Variants in MAGEC3 observed in about 807,000 individuals in gnomAD.
The protein encoded by MAGEC3 is MAGE family member C3, also known as melanoma-associated antigen C3.
A neutral mutation model predicts 35.3 loss-of-function variants in MAGEC3; 34 were observed. The observed-to-expected ratio is 0.96, with a 90% CI of 0.73 to 1.28. The LOEUF is 1.28. Among genes scored for constraint, MAGEC3 ranks in the 50% most tolerant of loss-of-function variants. The pLI is 0.00. For missense variants in MAGEC3, 561 were observed against 483.6 expected (o/e 1.16, Z -1.50); for synonymous variants, 202 against 185.6 (o/e 1.09, Z -0.72).
intron 1 of MAGEC3, among the ~76,000 whole-genome samples, chrX:141,862,878 C>T (rs1014827990): frequency 4.5e-5 from 5 of 111,495 alleles, no homozygotes; most frequent in Admixed American, 3.8e-4. Flanking sequence ...CTAATGTTGA[C>T]TGCAGAGCAG....
intron 3 of MAGEC3, among the ~76,000 whole-genome samples, chrX:141,880,175 G>T (rs1009785755): frequency 3.6e-5 from 4 of 111,490 alleles, no homozygotes; most frequent in African/African-American, 1.3e-4. Context: ...CCCTGCTGGG[G>T]ATAAGAGTGA....
At chrX:141,843,977 C>T (rs2017701656) in intron 1 of MAGEC3, among the ~76,000 whole-genome samples, 1 of 110,644 alleles carries the variant, frequency 9.0e-6, no homozygotes, top group East Asian at 2.8e-4. Flanking sequence ...CCTTTCTCTT[C>T]TCTTTGGAGT....
Position 141,868,854 on chromosome X carries a change from TTTTA to T in MAGEC3, c.258+3277_258+3280del, listed in dbSNP as rs199761435. 0.012 allele frequency among the ~76,000 whole-genome samples: 1,248 copies of T among 106,402 alleles called. 26 individuals carry two copies. The East Asian group carries it at 0.12, about 10-fold the overall frequency. The allele number at this position is 106,402 out of a possible 115,157, so 92.4% of individuals were successfully genotyped here. A position where few individuals can be genotyped will look rare whatever the true frequency, so the allele number is the denominator to read the frequency against. ...TCTTTGATTTTTTTTAAAATTTTTATTTTATTTATTTATTTATTTATTTATTTAT... is the reference window on the plus strand; with the variant it reads ...TCTTTGATTTTTTTTAAAATTTTTATTTTATTTATTTATTTATTTATTTAT... On this transcript the variant is annotated intron_variant, in intron 2 of 7. Transcript: ENST00000298296.
At chrX:141,852,307 T>C (rs2017755724) in intron 1 of MAGEC3, among the ~76,000 whole-genome samples, 1 of 110,803 alleles carries the variant, frequency 9.0e-6, no homozygotes, top group Admixed American at 9.7e-5. Context: ...GCTGAGCTCA[T>C]TTATTATATC....
intron 2 of MAGEC3, among the ~76,000 whole-genome samples, chrX:141,873,847 A>G (rs2017903316): frequency 8.9e-6 from 1 of 112,119 alleles, no homozygotes; most frequent in African/African-American, 3.2e-5. Context: ...GTGGATACCA[A>G]CAAACTTATT....
intron 1 of MAGEC3, among the ~76,000 whole-genome samples, chrX:141,846,777 AGTT>A (rs1366443466): frequency 2.7e-5 from 3 of 111,047 alleles, no homozygotes; most frequent in African/African-American, 9.8e-5. Flanking sequence ...ATAATTTGAC[AGTT>A]GTTGTCATTT....
At position 141,895,487 on chromosome X, in the gene MAGEC3, C is replaced by G; in HGVS notation, c.1051C>G (p.Leu351Val). The change falls in exon 6 of 8, where the codon CTT becomes GTT. Residue 351 changes from leucine to valine, a missense_variant and splice_region_variant. Leu to Val is a conservative substitution (Grantham distance 32). Transcript: ENST00000298296. ...CGGTCTGCCCTGCGCTGCCATAGGA[C>G]TTGCAGGCCACAGACAGGAAGATGG... is the stretch of plus-strand genomic sequence containing the variant. ...SVLDLANPQG[L>V]AGHRQEDGRR... is the part of the protein sequence containing the mutation. 3.3e-6 allele frequency: 4 copies of G among 1,211,031 alleles called. No homozygotes were observed. Among genetic ancestry groups the G allele is most frequent in the Non-Finnish European group, 4.5e-6 (4 of 895,180 alleles).
At chrX:141,839,247 T>C (rs1415574314) in intron 1 of MAGEC3, 2 of 239,732 alleles carry the variant, frequency 8.3e-6, no homozygotes, top group Admixed American at 9.4e-5. Flanking sequence ...ATTCCAGTGA[T>C]TTCCTTTGAA....
In MAGEC3 at chrX:141,878,076, G is replaced by A. The variant is rs139466215; in HGVS notation, c.259-1099G>A. ...CATGTTCCTTCGATGCCCTTTGGCT[G>A]TACCGGTTGATTGAGACATTTCTCG... is the stretch of plus-strand genomic sequence containing the variant. On this transcript the variant is annotated intron_variant, in intron 2 of 7. Coordinates refer to ENST00000298296, the MANE Select transcript of MAGEC3 (RefSeq NM_138702.1). Among the ~76,000 whole-genome samples the A allele has an allele frequency of 1.3e-4, 15 of 112,199 alleles. No individual in the cohort carries two copies. In the East Asian group the frequency reaches 4.2e-3, roughly 32 times the overall value.
intron 3 of MAGEC3, among the ~76,000 whole-genome samples, chrX:141,880,026 C>A (rs1462542311): frequency 1.8e-5 from 2 of 111,525 alleles, no homozygotes; most frequent in Non-Finnish European, 3.8e-5. Flanking sequence ...TCGTAGAGCT[C>A]CCCAGTCAGC....
intron 1 of MAGEC3, among the ~76,000 whole-genome samples, chrX:141,842,901 T>C (rs2017694501): frequency 1.8e-5 from 2 of 111,992 alleles, no homozygotes; most frequent in Non-Finnish European, 3.8e-5. Flanking sequence ...GTTTTCCCTT[T>C]GATTGCTATT....
chrX:141,849,254 C>T (rs1289492271), intron 1 of MAGEC3, among the ~76,000 whole-genome samples: 1 of 111,079 alleles, frequency 9.0e-6, no homozygotes, highest in Non-Finnish European at 1.9e-5. Flanking sequence ...GAACCACTAC[C>T]ATTCATTAAA....
At chrX:141,893,390 G>C (rs1160740396) in intron 4 of MAGEC3, among the ~76,000 whole-genome samples, 1 of 111,343 alleles carries the variant, frequency 9.0e-6, no homozygotes, top group Non-Finnish European at 1.9e-5. Context: ...TCCGGAGGCT[G>C]AGGAGTTAGG....
rs959459390 is a variant in MAGEC3 at position 141,842,815 on chromosome X, C to T, written c.123+4377C>T. 7.2e-5 allele frequency among the ~76,000 whole-genome samples: 8 copies of T among 111,702 alleles called. No homozygotes were observed. The Admixed American group carries it at 7.6e-4, about 11-fold the overall frequency. ...TAAACATCCCTAAAACACTTCATCT[C>T]TCCTACATTGTTAGCTATATAACAT... On this transcript the variant is annotated intron_variant, in intron 1 of 7. Transcript: ENST00000298296.
At chrX:141,851,506 A>C (rs1170087032) in intron 1 of MAGEC3, among the ~76,000 whole-genome samples, 1 of 110,653 alleles carries the variant, frequency 9.0e-6, no homozygotes, top group Non-Finnish European at 1.9e-5. Context: ...TTTTATTTGT[A>C]TATCATAAAA....
chrX:141,865,898 G>A (rs1007134054), intron 2 of MAGEC3, among the ~76,000 whole-genome samples: 1 of 111,691 alleles, frequency 9.0e-6, no homozygotes, highest in Non-Finnish European at 1.9e-5. Flanking sequence ...TCCTCTTCGT[G>A]TGAATCCTGA....
At chrX:141,839,821 T>C (rs774590825) in intron 1 of MAGEC3, 1 of 563,712 alleles carries the variant, frequency 1.8e-6, no homozygotes, top group Admixed American at 9.1e-5. Flanking sequence ...AGAAATATTG[T>C]TGGTTGTCAT....
intron 2 of MAGEC3, among the ~76,000 whole-genome samples, chrX:141,874,381 A>G (rs996738317): frequency 6.1e-4 from 68 of 112,235 alleles, no homozygotes; most frequent in African/African-American, 2.0e-3. Context: ...GGCTTCATAA[A>G]AATGAAAAAA....
intron 4 of MAGEC3, among the ~76,000 whole-genome samples, chrX:141,882,502 AT>A (rs1347570592): frequency 8.9e-6 from 1 of 112,072 alleles, no homozygotes. Context: ...TTTTCTTTAA[AT>A]TATGTAAGAA....
Sources: gnomAD v4.1 joint callset for allele counts (sites outside exome capture counted in the v4.1 genomes callset) on GRCh38, gnomAD v4.1.1 for gene constraint, MANE v1.5 for transcripts, NCBI Gene and HGNC (gene_info 2026-07-23, HGNC 2026-07-21) for gene names.